POLQ: variants seen among roughly 807,000 people sequenced by gnomAD.
The protein encoded by POLQ is DNA polymerase theta, also known as epididymis secretory sperm binding protein.
In POLQ, 233 loss-of-function variants were observed where a neutral mutation model predicts 259.2. The ratio of observed to expected loss-of-function variants is 0.90; its 90% confidence interval spans 0.81 to 1.00. POLQ has a LOEUF of 1.00. Among genes scored for constraint, POLQ ranks in the 50% least tolerant of loss-of-function variants. POLQ has a pLI of 0.00. For missense variants in POLQ, 2,871 were observed against 3,051.6 expected (o/e 0.94, Z 1.39); for synonymous variants, 1,025 against 1,048.8 (o/e 0.98, Z 0.44).
chr3:121,522,027 A>G lies in POLQ; in HGVS notation c.1231T>C (p.Trp411Arg), dbSNP rs746814283. 1 of 1,588,572 alleles carries G rather than the reference A, an allele frequency of 6.3e-7. No individual in the cohort carries two copies. Among genetic ancestry groups the G allele is most frequent in the African/African-American group, 1.4e-5 (1 of 73,306 alleles). Reference protein sequence around the residue: ...LDSVLQKTVPWGVAFHHAGLT... With the variant: ...LDSVLQKTVPRGVAFHHAGLT... ...CCTGCATGATGAAATGCTACTCCCC[A>G]TGGTACAGTTTTCTGTAATACAGAG... is the stretch of plus-strand genomic sequence containing the variant. The change falls in exon 8 of 30, where the codon TGG becomes CGG. Residue 411 changes from tryptophan to arginine, a missense_variant. Coordinates refer to ENST00000264233, the MANE Select transcript of POLQ (RefSeq NM_199420.4).
At position 121,483,472 on chromosome 3, in the gene POLQ, C is replaced by T; in HGVS notation, c.5884G>A (p.Val1962Ile). Residue 1962 changes from valine (V) to isoleucine (I), a missense_variant, in exon 18 of 30, where the codon GTT (valine) becomes ATT (isoleucine). Val to Ile is a conservative substitution (Grantham distance 29). Around this residue, in one of 3 missense-constraint regions of POLQ, gnomAD observed 2,080 missense variants for 2,126.0 expected, o/e 0.98. Coordinates refer to ENST00000264233, the MANE Select transcript of POLQ (RefSeq NM_199420.4). ...LRKESDKECS[V>I]VIYDFIQSYK... ...CTCTGGATGAAGTCATAGATGACAA[C>T]AGAACATTCTTTATCAGATTCCTTT... 1 of 1,606,286 alleles carries T rather than the reference C, an allele frequency of 6.2e-7. No homozygotes were observed. Among genetic ancestry groups the T allele is most frequent in the East Asian group, 2.2e-5 (1 of 44,558 alleles).
chr3:121,501,710 C>T (rs1232672356), intron 12 of POLQ, among the ~76,000 whole-genome samples: 6 of 137,052 alleles, frequency 4.4e-5, no homozygotes, highest in Admixed American at 2.3e-4. Flanking sequence ...CCAGGCGCAG[C>T]GGCTCATGCC....
At chr3:121,485,282 GCAAAA>G in intron 16 of POLQ, 98 bp from the exon 17 acceptor site, 1 of 763,726 alleles carries the variant, frequency 1.3e-6, no homozygotes, top group Non-Finnish European at 2.0e-6. Context: ...TCTTTGATAG[GCAAAA>G]TTTCCAGATC....
At chr3:121,456,483 C>A (rs2047738574) in intron 25 of POLQ, among the ~76,000 whole-genome samples, 1 of 152,100 alleles carries the variant, frequency 6.6e-6, no homozygotes, top group Non-Finnish European at 1.5e-5. Context: ...TCCAGAAAAC[C>A]CCATTGTCTC....
intron 25 of POLQ, among the ~76,000 whole-genome samples, chr3:121,452,682 GT>G (rs1483698722): frequency 6.6e-6 from 1 of 152,084 alleles, no homozygotes; most frequent in East Asian, 1.9e-4. Context: ...AGGAAGTCGG[GT>G]GCCCAATGCC....
intron 20 of POLQ, among the ~76,000 whole-genome samples, chr3:121,474,522 T>G (rs2047910852): frequency 6.6e-6 from 1 of 152,228 alleles, no homozygotes; most frequent in African/African-American, 2.4e-5. Context: ...AACCTTGGAT[T>G]ATTTTCCCAG....
rs1268321195 is a variant in POLQ at position 121,460,210 on chromosome 3, T to C, written c.6992A>G (p.Tyr2331Cys). Residue 2331 changes from tyrosine (Y) to cysteine (C), a missense_variant, in exon 25 of 30, where the codon TAC becomes TGC. Transcript: ENST00000264233. ...FPGGSILAAD[Y>C]SQLELRILAH... ...CAAGATCCTCAGTTCAAGCTGAGAG[T>C]AGTCAGCAGCCAGTATTGAACCACC... is the stretch of plus-strand genomic sequence containing the variant. 2 of 1,613,316 alleles carry C rather than the reference T, an allele frequency of 1.2e-6. No homozygotes were observed. The highest frequency in any genetic ancestry group is 1.7e-5 in the Admixed American group (1 of 60,012).
At chr3:121,520,174 G>T in intron 8 of POLQ, 91 bp from the exon 9 acceptor site, 2 of 740,178 alleles carry the variant, frequency 2.7e-6, no homozygotes, top group Non-Finnish European at 4.6e-6. Context: ...TCTGCTTCAA[G>T]CCTCTGAAGA....
At chr3:121,485,261 T>A in intron 16 of POLQ, 77 bp from the exon 17 acceptor site, 1 of 1,016,920 alleles carries the variant, frequency 9.8e-7, no homozygotes, top group African/African-American at 1.6e-5. Flanking sequence ...ACAATTATAA[T>A]AAAAAACCTA....
intron 19 of POLQ, among the ~76,000 whole-genome samples, chr3:121,480,186 A>ATC (rs1177614318): frequency 2.0e-5 from 3 of 151,870 alleles, no homozygotes; most frequent in African/African-American, 4.8e-5. Flanking sequence ...AAATATATAT[A>ATC]TATAGCTTAC....
intron 7 of POLQ, among the ~76,000 whole-genome samples, chr3:121,528,629 C>A (rs1437405524): frequency 6.6e-6 from 1 of 152,028 alleles, no homozygotes; most frequent in Non-Finnish European, 1.5e-5. Flanking sequence ...AGGCATGAGC[C>A]ACCACGCCTG....
At chr3:121,473,665 G>T (rs2047903423) in intron 20 of POLQ, among the ~76,000 whole-genome samples, 178 bp from the exon 21 acceptor site, 3 of 150,756 alleles carry the variant, frequency 2.0e-5, no homozygotes, top group Non-Finnish European at 4.4e-5. Flanking sequence ...AAATTTATAT[G>T]TCAGGTAGTC....
intron 26 of POLQ, among the ~76,000 whole-genome samples, chr3:121,441,637 G>A (rs1450786903): frequency 6.6e-6 from 1 of 152,160 alleles, no homozygotes; most frequent in African/African-American, 2.4e-5. Context: ...ACATTTTCCT[G>A]TTGATAGACA....
chr3:121,511,788 T>A, intron 10 of POLQ, 99 bp downstream of exon 10: 1 of 986,620 alleles, frequency 1.0e-6, no homozygotes, highest in Non-Finnish European at 1.5e-6. Context: ...AAAAATAAAT[T>A]AAAAAAAATA....
intron 10 of POLQ, 150 bp from the exon 11 acceptor site, chr3:121,510,393 C>G: frequency 3.3e-6 from 2 of 605,500 alleles, no homozygotes; most frequent in Admixed American, 2.9e-5. Context: ...CTGGTTAACA[C>G]GGTGAAACCC....
intron 10 of POLQ, among the ~76,000 whole-genome samples, chr3:121,511,217 C>T (rs1479167677): frequency 8.0e-6 from 1 of 125,084 alleles, no homozygotes; most frequent in Non-Finnish European, 1.7e-5. Context: ...CAGAGCGAGA[C>T]TCCGTCTCCA....
intron 26 of POLQ, among the ~76,000 whole-genome samples, chr3:121,445,972 C>G (rs1448708148): frequency 6.6e-6 from 1 of 151,294 alleles, no homozygotes; most frequent in African/African-American, 2.4e-5. Context: ...TTCTTTTCCT[C>G]TACTAATTTT....
chr3:121,463,900 T>G (rs1319735613), intron 24 of POLQ, among the ~76,000 whole-genome samples: 1 of 152,212 alleles, frequency 6.6e-6, no homozygotes, highest in African/African-American at 2.4e-5. Context: ...AATTATTTTA[T>G]GTATGTGTAC....
In POLQ at chr3:121,488,765, T is replaced by C. The variant is rs763705383; in HGVS notation, c.4166A>G (p.His1389Arg). The change falls in exon 16 of 30, where the codon CAT (histidine) becomes CGT (arginine). Residue 1389 changes from histidine (H) to arginine (R), a missense_variant. By Grantham distance (29) the His-to-Arg change is conservative. This residue lies in a region of POLQ where 2,080 missense variants were observed against 2,126.0 expected (regional missense o/e 0.98). Coordinates refer to ENST00000264233, the MANE Select transcript of POLQ (RefSeq NM_199420.4). ...AGTACCTACAGTCTTAAGGTCCAAA[T>C]GATCTATCTTAGTCGCTCCTAGAGG... ...QHPLGATKID[H>R]LDLKTVGTMK... 7.4e-6 allele frequency: 12 copies of C among 1,613,788 alleles called. No homozygotes were observed. Among genetic ancestry groups the C allele is most frequent in the South Asian group, 4.4e-5 (4 of 91,056 alleles).
Sources: allele counts gnomAD v4.1 joint callset (sites outside exome capture counted in the v4.1 genomes callset), GRCh38; gene constraint gnomAD v4.1.1; regional missense constraint gnomAD v4.1.1; transcripts MANE v1.5; gene names NCBI Gene and HGNC (gene_info 2026-07-23, HGNC 2026-07-21).